Variants in CLCN7 observed in about 807,000 individuals in gnomAD.
CLCN7 encodes H(+)/Cl(-) exchange transporter 7.
A neutral mutation model predicts 102.1 loss-of-function variants in CLCN7; 60 were observed. The ratio of observed to expected loss-of-function variants is 0.59; its 90% CI spans 0.48 to 0.73. The LOEUF (loss-of-function observed/expected upper bound fraction) is 0.73. CLCN7 is among the 30% of genes least tolerant of loss of function. The probability of loss-of-function intolerance (pLI) is 0.00; values close to 1 mark genes in which losing one functional copy is unlikely to be tolerated. For missense variants in CLCN7, 962 were observed against 1,125.7 expected (o/e 0.85, Z 2.08); for synonymous variants, 560 against 490.5 (o/e 1.14, Z -1.87).
intron 16 of CLCN7, among the ~76,000 whole-genome samples, chr16:1,451,250 C>T (rs573382789): frequency 6.1e-4 from 93 of 152,346 alleles, no homozygotes; most frequent in African/African-American, 2.0e-3. Flanking sequence ...CTGTGTCACC[C>T]AGGCTGGTAT....
At chr16:1,466,015 C>CA (rs1458278189) in intron 1 of CLCN7, among the ~76,000 whole-genome samples, 2 of 152,258 alleles carry the variant, frequency 1.3e-5, no homozygotes, top group African/African-American at 4.8e-5. Flanking sequence ...GCCAAGACCT[C>CA]AGCCTCCTTT....
At chr16:1,450,170 AC>A in intron 17 of CLCN7, 2 of 403,570 alleles carry the variant, frequency 5.0e-6, no homozygotes, top group South Asian at 4.6e-5. Context: ...CCGGACATCC[AC>A]CCCATGGAGT....
At chr16:1,468,760 C>T (rs976419132) in intron 1 of CLCN7, among the ~76,000 whole-genome samples, 3 of 152,158 alleles carry the variant, frequency 2.0e-5, no homozygotes, top group African/African-American at 7.2e-5. Context: ...CGCGGATCTA[C>T]ACGCATTGCA....
chr16:1,463,156 A>G (rs896765587), intron 2 of CLCN7, among the ~76,000 whole-genome samples: 1 of 152,120 alleles, frequency 6.6e-6, no homozygotes, highest in African/African-American at 2.4e-5. Context: ...GAGGGAGGGT[A>G]TGACGTTGGA....
intron 1 of CLCN7, among the ~76,000 whole-genome samples, chr16:1,473,789 A>G (rs986449189): frequency 2.0e-4 from 31 of 152,116 alleles, no homozygotes; most frequent in Admixed American, 1.3e-4. Context: ...TTAACTCAAA[A>G]GTAACACAAT....
rs1426558997 is a variant in CLCN7 at position 1,449,258 on chromosome 16, G to A, written c.1669+18C>T. 1.9e-6 allele frequency: 3 copies of A among 1,578,522 alleles called. No homozygotes were observed. Among genetic ancestry groups the A allele is most frequent in the Non-Finnish European group, 2.6e-6 (3 of 1,162,820 alleles). On this transcript the variant is annotated intron_variant, in intron 18 of 24. Coordinates refer to ENST00000382745, the MANE Select transcript of CLCN7 (RefSeq NM_001287.6). ...CCCCGTGGAGCTCCCCACCCATCGG[G>A]CAAGAGCTGGGACATACCCAGCTGG...
intron 24 of CLCN7, 124 bp from the exon 25 acceptor site, chr16:1,446,841 C>G (rs911011144): frequency 1.2e-5 from 13 of 1,123,284 alleles, no homozygotes; most frequent in Admixed American, 2.0e-5. Flanking sequence ...GCACAGCCCC[C>G]GAGCTGAGCA....
At chr16:1,451,467 G>C (rs1254864560) in intron 16 of CLCN7, among the ~76,000 whole-genome samples, 156 bp downstream of exon 16, 2 of 152,154 alleles carry the variant, frequency 1.3e-5, no homozygotes, top group South Asian at 4.1e-4. Flanking sequence ...GTCTCTCCAA[G>C]TGCTGGGATT....
intron 2 of CLCN7, 91 bp downstream of exon 2, chr16:1,465,176 T>A: frequency 7.7e-7 from 1 of 1,303,430 alleles, no homozygotes; most frequent in Non-Finnish European, 1.1e-6. Flanking sequence ...GGCCCCACTA[T>A]CTCCCTGCCG....
Position 1,446,157 on chromosome 16 carries a change from C to T in CLCN7, c.*474G>A, listed in dbSNP as rs1373804279. The T allele has an allele frequency of 1.7e-5, 10 of 604,014 alleles. No individual in the cohort carries two copies. The highest frequency in any genetic ancestry group is 2.4e-5 in the Non-Finnish European group (8 of 340,390). 37.4% of individuals were successfully genotyped at this position (604,014 alleles called of 1,614,324 possible). A position where few individuals can be genotyped will look rare whatever the true frequency, so the allele number is the denominator to read the frequency against. On this transcript the variant is annotated 3_prime_UTR_variant, in exon 25 of 25. Transcript: ENST00000382745. ...GGGACCACAGGCCGTCTGCTCATGG[C>T]TGAAAATGAGGCCAAGCAGCTCCCA...
Position 1,461,615 on chromosome 16 carries a change from G to C in CLCN7, c.273C>G (p.Ser91=). The change falls in exon 3 of 25, where the codon TCC becomes TCG. Residue 91 remains serine (S), a synonymous_variant. Transcript: ENST00000382745. ...GAAGGACGCCCACCTCATACTTGAG[G>C]GACAGGAGCTTCTCGTTGTGTGGGA... ...KEIPHNEKLL[S]LKYESLDYDN... The C allele has an allele frequency of 6.2e-7, 1 of 1,614,142 alleles. No homozygotes were observed. The highest frequency in any genetic ancestry group is 8.5e-7 in the Non-Finnish European group (1 of 1,180,006).
At chr16:1,455,534 C>T in intron 11 of CLCN7, 197 bp downstream of exon 11, 1 of 698,240 alleles carries the variant, frequency 1.4e-6, no homozygotes, top group Non-Finnish European at 2.5e-6. Flanking sequence ...CCAGGGCTGG[C>T]AATGGTGCCC....
At chr16:1,467,297 C>G (rs73493719) in intron 1 of CLCN7, among the ~76,000 whole-genome samples, 4,606 of 152,288 alleles carry the variant, frequency 0.03, 261 homozygotes, top group African/African-American at 0.11. Flanking sequence ...TGGACACAAC[C>G]CTGAGTCACA....
intron 9 of CLCN7, among the ~76,000 whole-genome samples, chr16:1,456,513 T>C (rs1185755856): frequency 6.6e-6 from 1 of 152,228 alleles, no homozygotes; most frequent in Non-Finnish European, 1.5e-5. Context: ...CCAGCCTTGC[T>C]GTTCTTTGTC....
intron 1 of CLCN7, 62 bp downstream of exon 1, chr16:1,474,772 G>C (rs1401674511): frequency 8.2e-7 from 1 of 1,215,052 alleles, no homozygotes; most frequent in Non-Finnish European, 1.0e-6. Context: ...AGGCTCACGA[G>C]GGCGCGGGCT....
intron 1 of CLCN7, among the ~76,000 whole-genome samples, chr16:1,470,157 G>T (rs145288259): frequency 6.6e-6 from 1 of 152,316 alleles, no homozygotes; most frequent in Non-Finnish European, 1.5e-5. Context: ...ATGATTAAAC[G>T]GTCATTAAAC....
intron 18 of CLCN7, 91 bp from the exon 19 acceptor site, chr16:1,449,184 C>G: frequency 6.3e-7 from 1 of 1,586,716 alleles, no homozygotes; most frequent in Non-Finnish European, 8.6e-7. Context: ...ATCCCATCCA[C>G]CTGCTCCCAG....
chr16:1,449,891 C>G (rs534967217), intron 17 of CLCN7: 50 of 182,504 alleles, frequency 2.7e-4, no homozygotes, highest in African/African-American at 9.3e-4. Context: ...AAACCAAACC[C>G]TTGTGCGGAG....
intron 1 of CLCN7, chr16:1,474,046 T>G (rs1046916381): frequency 2.2e-4 from 95 of 432,724 alleles, no homozygotes; most frequent in Non-Finnish European, 5.1e-5. Context: ...ATCGCGCCAT[T>G]GCACTCCAGC....
Sources: allele counts gnomAD v4.1 joint callset (sites outside exome capture counted in the v4.1 genomes callset), GRCh38; gene constraint gnomAD v4.1.1; transcripts MANE v1.5; gene names NCBI Gene and HGNC (gene_info 2026-07-23, HGNC 2026-07-21).